The following RNF175 variants were observed in gnomAD, a reference collection of about 807,000 sequenced individuals.
RNF175 encodes the protein ring finger protein 175.
A neutral mutation model predicts 50.0 loss-of-function variants in RNF175; 38 were observed. The observed-to-expected ratio is 0.76, with a 90% CI of 0.59 to 1.00. RNF175 has a LOEUF of 1.00. Ranked by LOEUF, RNF175 falls within the 50% of genes least tolerant of loss-of-function variation. The pLI, the probability that RNF175 is intolerant of heterozygous loss-of-function variation, is 0.00. For missense variants in RNF175, 388 were observed against 409.6 expected, an observed-to-expected ratio of 0.95 and a Z score of 0.46; for synonymous variants, 155 against 146.1, an observed-to-expected ratio of 1.06 and a Z score of -0.44.
chr4:153,726,376 A>C (rs1738701178), intron 4 of RNF175, among the ~76,000 whole-genome samples: 1 of 152,156 alleles, frequency 6.6e-6, no homozygotes, highest in Non-Finnish European at 1.5e-5. Flanking sequence ...AAGTGCTGGG[A>C]TTACAGGCGT....
In RNF175 at chr4:153,721,085, T is replaced by A. The variant is rs115471311; in HGVS notation, c.510-781A>T. ...CATGCCAGAGTTGCTATGTATTAACTGAAAAAAACTTTTTGTAAGTTAAAT... is the reference window on the plus strand; with the variant it reads ...CATGCCAGAGTTGCTATGTATTAACAGAAAAAAACTTTTTGTAAGTTAAAT... On this transcript the variant is annotated intron_variant, in intron 5 of 8. Coordinates refer to ENST00000347063, the MANE Select transcript of RNF175 (RefSeq NM_173662.4). Among the ~76,000 whole-genome samples, 615 of 152,104 alleles carry A rather than the reference T, an allele frequency of 4.0e-3. 3 individuals are homozygous for A. The highest frequency in any genetic ancestry group is 0.014 in the African/African-American group (566 of 41,522).
At chr4:153,757,357 C>T (rs536419726) in intron 1 of RNF175, among the ~76,000 whole-genome samples, 1 of 152,322 alleles carries the variant, frequency 6.6e-6, no homozygotes, top group South Asian at 2.1e-4. Flanking sequence ...GAGACTGCCA[C>T]CCCGATTGGC....
chr4:153,759,258 C>T (rs2127174548), intron 1 of RNF175, among the ~76,000 whole-genome samples: 1 of 152,336 alleles, frequency 6.6e-6, no homozygotes, highest in South Asian at 2.1e-4. Flanking sequence ...GATCAGGGTA[C>T]ACATCTTGAA....
At chr4:153,730,970 T>C (rs1579064704) in intron 3 of RNF175, among the ~76,000 whole-genome samples, 1 of 152,218 alleles carries the variant, frequency 6.6e-6, no homozygotes, top group African/African-American at 2.4e-5. Context: ...TGTACAGACA[T>C]TGTACTTTTA....
At chr4:153,720,493 A>C in intron 5 of RNF175, 189 bp from the exon 6 acceptor site, 1 of 516,778 alleles carries the variant, frequency 1.9e-6, no homozygotes, top group South Asian at 2.1e-5. Flanking sequence ...AAATTGTAGC[A>C]CTCAGTGCCA....
chr4:153,717,544 C>CAG (rs1055649585), intron 6 of RNF175, among the ~76,000 whole-genome samples: 10 of 151,692 alleles, frequency 6.6e-5, no homozygotes, highest in Non-Finnish European at 7.4e-5. Context: ...AACACACACA[C>CAG]ACACACACAC....
intron 3 of RNF175, among the ~76,000 whole-genome samples, chr4:153,733,685 C>T (rs1003488170): frequency 3.9e-5 from 6 of 152,186 alleles, no homozygotes; most frequent in African/African-American, 1.4e-4. Context: ...TCCCCTTGCA[C>T]AGTCTGCATT....
At position 153,742,135 on chromosome 4, in the gene RNF175, G is replaced by GCAGT. The variant is rs748361796; in HGVS notation, c.246+6506_246+6509dup. On this transcript the variant is annotated intron_variant, in intron 3 of 8. Coordinates refer to ENST00000347063, the MANE Select transcript of RNF175 (RefSeq NM_173662.4). ...ACTAAAATAAAAAAATTAGCTAGGA[G>GCAGT]CAGTGTCAGGCACCTGTAATCCCAG... is the stretch of plus-strand genomic sequence containing the variant. 9.1e-4 allele frequency among the ~76,000 whole-genome samples: 139 copies of GCAGT among 152,082 alleles called. 2 individuals carry two copies. In the South Asian group the frequency reaches 9.6e-3, roughly 10 times the overall value.
At chr4:153,742,416 C>T (rs532359678) in intron 3 of RNF175, among the ~76,000 whole-genome samples, 2 of 151,966 alleles carry the variant, frequency 1.3e-5, no homozygotes, top group Admixed American at 1.3e-4. Context: ...TCTAGCTTTA[C>T]AAAAGTGTCC....
chr4:153,715,860 G>A lies in RNF175; in HGVS notation c.631-198C>T, dbSNP rs554557661. Among the ~76,000 whole-genome samples the A allele has an allele frequency of 6.6e-5, 10 of 152,072 alleles. 1 individual carries two copies. The highest frequency in any genetic ancestry group is 5.9e-4 in the Admixed American group (9 of 15,274). ...AGGTGGATCACAAGGTCAGGAGTTC[G>A]AGACCAGCGTGGCCAACGGGGTGAA... On this transcript the variant is annotated intron_variant, in intron 6 of 8. Transcript: ENST00000347063.
At chr4:153,749,722 T>TA (rs997275137) in intron 2 of RNF175, among the ~76,000 whole-genome samples, 7 of 152,134 alleles carry the variant, frequency 4.6e-5, no homozygotes, top group Non-Finnish European at 1.0e-4. Flanking sequence ...TGGGAAGCTT[T>TA]AAAAAAATCT....
chr4:153,711,640 C>T (rs1737588401), intron 8 of RNF175, among the ~76,000 whole-genome samples: 1 of 152,226 alleles, frequency 6.6e-6, no homozygotes, highest in Admixed American at 6.5e-5. Context: ...AGAGATGGTA[C>T]TTGGCAGGTT....
At chr4:153,717,121 A>G (rs1579034323) in intron 6 of RNF175, among the ~76,000 whole-genome samples, 2 of 152,150 alleles carry the variant, frequency 1.3e-5, no homozygotes, top group South Asian at 4.1e-4. Context: ...TTTGATATCA[A>G]TGTGGACTCA....
chr4:153,715,714 C>T (rs1737874728), intron 6 of RNF175, 52 bp from the exon 7 acceptor site: 3 of 1,577,434 alleles, frequency 1.9e-6, no homozygotes, highest in Non-Finnish European at 1.7e-6. Flanking sequence ...ACATGCCACT[C>T]TCTGAATGCA....
chr4:153,751,144 T>C (rs888344849), intron 2 of RNF175, among the ~76,000 whole-genome samples: 42 of 152,254 alleles, frequency 2.8e-4, no homozygotes, highest in African/African-American at 8.7e-4. Flanking sequence ...GGCAATGGTA[T>C]AGGAACAAAA....
chr4:153,717,959 G>A (rs189142608), intron 6 of RNF175, among the ~76,000 whole-genome samples: 6 of 152,112 alleles, frequency 3.9e-5, no homozygotes, highest in Admixed American at 6.5e-5. Context: ...CACCGTTATC[G>A]TATCACACAG....
intron 3 of RNF175, among the ~76,000 whole-genome samples, chr4:153,736,790 T>A (rs931001166): frequency 5.9e-5 from 9 of 152,210 alleles, no homozygotes; most frequent in Non-Finnish European, 1.0e-4. Flanking sequence ...TTATCCAAAT[T>A]TGTGTGCACA....
intron 1 of RNF175, 73 bp from the exon 2 acceptor site, chr4:153,751,548 G>T: frequency 3.0e-6 from 3 of 1,003,530 alleles, no homozygotes; most frequent in South Asian, 1.5e-5. Context: ...AGCAATATAT[G>T]GGAAACCCAG....
At chr4:153,713,508 T>A (rs1322237639) in intron 7 of RNF175, 1 of 152,190 alleles carries the variant, frequency 6.6e-6, no homozygotes, top group Admixed American at 6.5e-5. Context: ...TCCTACTGAT[T>A]TGTTTATTTC....
Sources: allele counts gnomAD v4.1 joint callset (sites outside exome capture counted in the v4.1 genomes callset), GRCh38; gene constraint gnomAD v4.1.1; transcripts MANE v1.5; gene names NCBI Gene and HGNC (gene_info 2026-07-23, HGNC 2026-07-21).